Variants in CADM2 observed in about 807,000 individuals in gnomAD.
The protein encoded by CADM2 is cell adhesion molecule 2, also known as immunoglobulin superfamily member 4D.
In CADM2, 12 loss-of-function variants were observed where a neutral mutation model predicts 49.8. That is an observed-to-expected ratio of 0.24 (90% CI 0.15 to 0.39). The LOEUF (loss-of-function observed/expected upper bound fraction) is 0.39, where lower values mean the gene tolerates loss of function less well. Among genes scored for constraint, CADM2 ranks in the 10% least tolerant of loss-of-function variants. CADM2 has a pLI of 1.00. For synonymous variants in CADM2, 214 were observed against 175.4 expected (o/e 1.22, Z -1.74); for missense variants, 378 against 492.3 (o/e 0.77, Z 2.20).
intron 3 of CADM2, among the ~76,000 whole-genome samples, chr3:85,820,004 C>T (rs896857158): frequency 1.3e-5 from 2 of 152,048 alleles, no homozygotes; most frequent in African/African-American, 4.8e-5. Context: ...GGTGACATTG[C>T]AGCAGACACT....
chr3:86,054,421 A>C (rs1737681106), intron 8 of CADM2, among the ~76,000 whole-genome samples: 2 of 152,074 alleles, frequency 1.3e-5, no homozygotes, highest in Admixed American at 1.3e-4. Flanking sequence ...ATTTTAGTAG[A>C]AATAGTATTG....
intron 1 of CADM2, among the ~76,000 whole-genome samples, chr3:85,596,618 A>G (rs938276804): frequency 6.6e-6 from 1 of 152,098 alleles, no homozygotes; most frequent in African/African-American, 2.4e-5. Context: ...ATCTACCCTC[A>G]CAACAAAATT....
At chr3:84,992,781 G>T (rs1398565520) in intron 1 of CADM2, among the ~76,000 whole-genome samples, 1 of 152,124 alleles carries the variant, frequency 6.6e-6, no homozygotes, top group Admixed American at 6.5e-5. Flanking sequence ...ATTCAATACA[G>T]TTTCCACTAA....
Position 85,568,514 on chromosome 3 carries a change from T to TCTTTCTTTCCTC in CADM2, c.62-158007_62-158006insTTTCTTTCCTCC, listed in dbSNP as rs1553743642. ...TTCTTTCTTTCTTTCTTTCTTTCTT[T>TCTTTCTTTCCTC]CCTCCCTCCCTCCCTCTCTCTTTTC... On this transcript the variant is annotated intron_variant, in intron 1 of 9. Coordinates refer to ENST00000383699, the MANE Select transcript of CADM2 (RefSeq NM_001167675.2). 3.2e-4 allele frequency among the ~76,000 whole-genome samples: 41 copies of TCTTTCTTTCCTC among 129,514 alleles called. 1 individual carries two copies. The highest frequency in any genetic ancestry group is 1.6e-3 in the African/African-American group (40 of 25,510). The allele number at this position is 129,514 out of a possible 152,430, so 85.0% of individuals were successfully genotyped here. A position where few individuals can be genotyped will look rare whatever the true frequency, so the allele number is the denominator to read the frequency against.
At chr3:85,332,082 T>C (rs985761540) in intron 1 of CADM2, among the ~76,000 whole-genome samples, 1 of 151,996 alleles carries the variant, frequency 6.6e-6, no homozygotes, top group Admixed American at 6.6e-5. Context: ...AAAATAAATA[T>C]CCTCACATCA....
intron 1 of CADM2, among the ~76,000 whole-genome samples, chr3:85,445,695 G>T (rs571000802): frequency 6.6e-6 from 1 of 152,202 alleles, no homozygotes; most frequent in South Asian, 2.1e-4. Context: ...GGAATTAATA[G>T]TGGGAGGGAC....
rs112934962 is a variant in CADM2, at chr3:85,897,144, T to C, written c.529+10817T>C. Among the ~76,000 whole-genome samples, 911 of 151,984 alleles carry C rather than the reference T, an allele frequency of 6.0e-3. 11 individuals are homozygous for C. Among genetic ancestry groups the C allele is most frequent in the African/African-American group, 0.02 (816 of 41,460 alleles). On this transcript the variant is annotated intron_variant, in intron 5 of 9. Coordinates refer to ENST00000383699, the MANE Select transcript of CADM2 (RefSeq NM_001167675.2). Reference sequence around the variant, plus strand: ...TTAACATTCTTTCTACCTTATGAGTTCTTTCTTAGAGGAGGATTCTGTAAT... The same window carrying C: ...TTAACATTCTTTCTACCTTATGAGTCCTTTCTTAGAGGAGGATTCTGTAAT...
chr3:85,836,231 T>C (rs549237335), intron 3 of CADM2, among the ~76,000 whole-genome samples: 1 of 151,700 alleles, frequency 6.6e-6, no homozygotes, highest in South Asian at 2.1e-4. Context: ...TGAAGTGCTT[T>C]TTCTTAGTGT....
At chr3:85,665,537 C>T (rs1258053111) in intron 1 of CADM2, among the ~76,000 whole-genome samples, 1 of 151,902 alleles carries the variant, frequency 6.6e-6, no homozygotes, top group Non-Finnish European at 1.5e-5. Flanking sequence ...AGAAATTTAA[C>T]TCTGACATCT....
chr3:85,077,376 C>G (rs1014016923), intron 1 of CADM2, among the ~76,000 whole-genome samples: 2 of 151,878 alleles, frequency 1.3e-5, no homozygotes, highest in Admixed American at 6.6e-5. Flanking sequence ...CATAAAATAC[C>G]TTTACAGAGC....
At chr3:85,066,149 A>G (rs1378458265) in intron 1 of CADM2, among the ~76,000 whole-genome samples, 1 of 152,130 alleles carries the variant, frequency 6.6e-6, no homozygotes, top group Non-Finnish European at 1.5e-5. Context: ...CTGGAAAGTA[A>G]ATTCAGAAGA....
intron 8 of CADM2, among the ~76,000 whole-genome samples, chr3:86,028,696 G>A (rs1231522765): frequency 6.6e-6 from 1 of 152,096 alleles, no homozygotes; most frequent in Non-Finnish European, 1.5e-5. Context: ...CTGCTTTAAA[G>A]GAAAGGCCAT....
At chr3:85,834,043 T>C (rs1260527337) in intron 3 of CADM2, among the ~76,000 whole-genome samples, 1 of 151,616 alleles carries the variant, frequency 6.6e-6, no homozygotes, top group Non-Finnish European at 1.5e-5. Flanking sequence ...GTGGGAAATT[T>C]TATAGGATTT....
intron 5 of CADM2, among the ~76,000 whole-genome samples, chr3:85,893,339 A>G (rs902430883): frequency 1.3e-5 from 2 of 152,194 alleles, no homozygotes; most frequent in Admixed American, 6.5e-5. Context: ...TTATACAAAA[A>G]TTAATTCAAG....
intron 1 of CADM2, among the ~76,000 whole-genome samples, chr3:85,410,294 G>C (rs954505199): frequency 6.6e-6 from 1 of 152,200 alleles, no homozygotes; most frequent in Non-Finnish European, 1.5e-5. Context: ...GTTTATGCCA[G>C]AGTCATGCTA....
intron 1 of CADM2, among the ~76,000 whole-genome samples, chr3:85,189,486 C>T (rs1012583588): frequency 2.0e-5 from 3 of 151,950 alleles, no homozygotes; most frequent in African/African-American, 4.8e-5. Flanking sequence ...TTTTTGAACC[C>T]ATAAAGAGAA....
intron 1 of CADM2, among the ~76,000 whole-genome samples, chr3:84,998,819 C>A (rs2107205797): frequency 6.6e-6 from 1 of 152,232 alleles, no homozygotes. Context: ...AAATAACCAC[C>A]TGGTTAACTG....
chr3:85,952,830 G>A (rs1723609331), intron 7 of CADM2, among the ~76,000 whole-genome samples: 2 of 150,646 alleles, frequency 1.3e-5, no homozygotes, highest in African/African-American at 2.4e-5. Context: ...TGTATATATG[G>A]CCTCTTTATT....
intron 1 of CADM2, among the ~76,000 whole-genome samples, chr3:85,299,328 A>C (rs2106979483): frequency 6.6e-6 from 1 of 152,232 alleles, no homozygotes; most frequent in East Asian, 1.9e-4. Flanking sequence ...TATTCTAATT[A>C]CATCATCAAG....
Sources: gnomAD v4.1 joint callset for allele counts (sites outside exome capture counted in the v4.1 genomes callset) on GRCh38, gnomAD v4.1.1 for gene constraint, MANE v1.5 for transcripts, NCBI Gene and HGNC (gene_info 2026-07-23, HGNC 2026-07-21) for gene names.